Variants in BMP2K observed in about 807,000 individuals in gnomAD.
BMP2K encodes BMP2 inducible kinase, also known as BMP-2-inducible protein kinase.
In BMP2K, 74 loss-of-function variants were observed where a neutral mutation model predicts 116.0. The observed-to-expected ratio is 0.64, with a 90% CI of 0.53 to 0.77. The LOEUF (loss-of-function observed/expected upper bound fraction) is 0.77. Among genes scored for constraint, BMP2K ranks in the 30% least tolerant of loss-of-function variants. The pLI is 0.00. For missense variants in BMP2K, 1,365 were observed against 1,403.6 expected (o/e 0.97, Z 0.44); for synonymous variants, 486 against 502.5 (o/e 0.97, Z 0.44).
At position 78,911,546 on chromosome 4, in the gene BMP2K, C is replaced by T. The variant is rs768779049; in HGVS notation, c.2999C>T (p.Thr1000Met). The part of the protein sequence containing the change: ...SKSNGKRHHG[T>M]PTSTKKTLKP... ...AGTAATGGGAAGCGGCATCATGGCA[C>T]GCCAACTAGCACAAAGAAGACTTTG... is the stretch of plus-strand genomic sequence containing the variant. The change falls in exon 16 of 16, where the codon ACG becomes ATG. Residue 1000 changes from threonine to methionine, a missense_variant. Thr to Met is a moderately conservative substitution (Grantham distance 81, BLOSUM62 -1). This residue lies in a region of BMP2K where 596 missense variants were observed against 623.2 expected (regional missense o/e 0.96). Transcript: ENST00000502613. The T allele has an allele frequency of 3.7e-6, 6 of 1,613,916 alleles. No homozygotes were observed. In the East Asian group the frequency reaches 6.7e-5, roughly 18 times the overall value.
chr4:78,864,430 A>C (rs1731946742), intron 9 of BMP2K, among the ~76,000 whole-genome samples: 1 of 151,830 alleles, frequency 6.6e-6, no homozygotes, highest in African/African-American at 2.4e-5. Flanking sequence ...TATATGTAAT[A>C]TCTGTATATA....
chr4:78,889,220 CAA>C (rs71661191), intron 15 of BMP2K, among the ~76,000 whole-genome samples: 87 of 53,698 alleles, frequency 1.6e-3, no homozygotes, highest in African/African-American at 5.1e-3. Flanking sequence ...GACTCTGTCT[CAA>C]AAAAAAAAAA....
intron 2 of BMP2K, among the ~76,000 whole-genome samples, chr4:78,829,787 T>TTTCTTTTCTTTTCTTTTCTCTTCTC (rs71216237): frequency 6.9e-5 from 6 of 86,648 alleles, no homozygotes; most frequent in East Asian, 4.2e-4. Flanking sequence ...TTTCTTTTCT[T>TTTCTTTTCTTTTCTTTTCTCTTCTC]TTCTCTTCTC....
chr4:78,834,709 A>G (rs1413045108), intron 3 of BMP2K, among the ~76,000 whole-genome samples: 1 of 152,204 alleles, frequency 6.6e-6, no homozygotes, highest in African/African-American at 2.4e-5. Context: ...CTATCCCAGA[A>G]ACTCTTACAG....
intron 1 of BMP2K, among the ~76,000 whole-genome samples, chr4:78,780,873 G>C (rs550935549): frequency 1.3e-5 from 2 of 152,204 alleles, no homozygotes; most frequent in African/African-American, 4.8e-5. Flanking sequence ...AATGCTCAGG[G>C]TTTTATGAGA....
intron 1 of BMP2K, among the ~76,000 whole-genome samples, chr4:78,812,007 C>T (rs1729117102): frequency 6.6e-6 from 1 of 151,950 alleles, no homozygotes; most frequent in Non-Finnish European, 1.5e-5. Context: ...GAGTCTCGCT[C>T]TTATCACCCA....
At chr4:78,900,921 G>T (rs192750710) in intron 15 of BMP2K, among the ~76,000 whole-genome samples, 1 of 152,112 alleles carries the variant, frequency 6.6e-6, no homozygotes, top group Admixed American at 6.5e-5. Flanking sequence ...TTTATGGCAG[G>T]TTATAAAACT....
chr4:78,777,014 C>A (rs980446527), intron 1 of BMP2K, among the ~76,000 whole-genome samples: 1 of 152,100 alleles, frequency 6.6e-6, no homozygotes, highest in Non-Finnish European at 1.5e-5. Context: ...GTTGGTGTTA[C>A]GATTGGGCCA....
intron 13 of BMP2K, among the ~76,000 whole-genome samples, chr4:78,876,568 C>G (rs1732644528): frequency 6.6e-6 from 1 of 152,150 alleles, no homozygotes; most frequent in African/African-American, 2.4e-5. Context: ...TTTTGCCTTT[C>G]TTTTCTCTTC....
intron 9 of BMP2K, 74 bp downstream of exon 9, chr4:78,861,542 T>TA: frequency 1.7e-6 from 2 of 1,188,126 alleles, no homozygotes; most frequent in Non-Finnish European, 2.4e-6. Context: ...CTAGCAAGTG[T>TA]AATTGATTAA....
At chr4:78,838,782 G>T (rs1050617631) in intron 3 of BMP2K, among the ~76,000 whole-genome samples, 11 of 152,106 alleles carry the variant, frequency 7.2e-5, no homozygotes, top group African/African-American at 2.4e-4. Context: ...GTGGTTTTAG[G>T]TATTCAATGT....
Position 78,865,452 on chromosome 4 carries a change from T to A in BMP2K, c.1068-105T>A, listed in dbSNP as rs959486099. On this transcript the variant is annotated intron_variant, in intron 9 of 15. Transcript: ENST00000502613. The stretch of plus-strand genomic sequence containing the variant: ...AGAAAGATGAGGACTAATGCGATTA[T>A]CAGTAATAGTTAAAATGTATCTGTT... The A allele has an allele frequency of 6.7e-6, 7 of 1,043,598 alleles. No homozygotes were observed. The African/African-American group carries it at 9.7e-5, about 14-fold the overall frequency. 64.6% of individuals were successfully genotyped at this position (1,043,598 alleles called of 1,614,324 possible).
intron 1 of BMP2K, among the ~76,000 whole-genome samples, chr4:78,793,728 T>C (rs1315675094): frequency 6.6e-6 from 1 of 152,082 alleles, no homozygotes; most frequent in Non-Finnish European, 1.5e-5. Flanking sequence ...GTGAATAAAA[T>C]GCACTTGGAT....
intron 7 of BMP2K, among the ~76,000 whole-genome samples, chr4:78,857,837 A>G (rs1203460667): frequency 6.6e-6 from 1 of 152,022 alleles, no homozygotes; most frequent in Non-Finnish European, 1.5e-5. Flanking sequence ...TGTATTAGAT[A>G]CACTGTGATT....
chr4:78,855,257 G>A (rs1731450104), intron 7 of BMP2K, among the ~76,000 whole-genome samples: 1 of 152,110 alleles, frequency 6.6e-6, no homozygotes, highest in South Asian at 2.1e-4. Context: ...TAATGTTGAT[G>A]CATGAAATAT....
At chr4:78,868,015 A>G (rs1186895277) in intron 10 of BMP2K, among the ~76,000 whole-genome samples, 1 of 152,222 alleles carries the variant, frequency 6.6e-6, no homozygotes, top group Non-Finnish European at 1.5e-5. Flanking sequence ...AGCCAAGATC[A>G]TGCCACTGCA....
At chr4:78,886,756 T>A (rs1159725797) in intron 14 of BMP2K, among the ~76,000 whole-genome samples, 1 of 152,174 alleles carries the variant, frequency 6.6e-6, no homozygotes, top group African/African-American at 2.4e-5. Context: ...TTTATTACTA[T>A]TGAGAAGTAA....
chr4:78,913,302 G>A lies in BMP2K; in HGVS notation c.*1269G>A, dbSNP rs540979975. 1 of 152,208 alleles carries A rather than the reference G, an allele frequency of 6.6e-6. No homozygotes were observed. Among genetic ancestry groups the A allele is most frequent in the South Asian group, 2.1e-4 (1 of 4,814 alleles). 9.4% of individuals were successfully genotyped at this position (152,208 alleles called of 1,614,324 possible). ...CATCTTAATTCTGCTAGTTGATTGTGTCTTTACTGAAAAGAACCCAGCTAC... is the reference window on the plus strand; with the variant it reads ...CATCTTAATTCTGCTAGTTGATTGTATCTTTACTGAAAAGAACCCAGCTAC... On this transcript the variant is annotated 3_prime_UTR_variant, in exon 16 of 16. Coordinates refer to ENST00000502613, the MANE Select transcript of BMP2K (RefSeq NM_198892.2).
At chr4:78,870,228 G>A (rs1342100760) in intron 10 of BMP2K, among the ~76,000 whole-genome samples, 1 of 152,102 alleles carries the variant, frequency 6.6e-6, no homozygotes, top group East Asian at 1.9e-4. Context: ...TGTATAAAAG[G>A]TTTTTTGGGA....
Sources: allele counts gnomAD v4.1 joint callset (sites outside exome capture counted in the v4.1 genomes callset), GRCh38; gene constraint gnomAD v4.1.1; regional missense constraint gnomAD v4.1.1; transcripts MANE v1.5; gene names NCBI Gene and HGNC (gene_info 2026-07-23, HGNC 2026-07-21).